MALSU1: variants seen among roughly 807,000 people sequenced by gnomAD.
MALSU1 encodes the protein mitochondrial assembly of ribosomal large subunit 1.
Under a neutral mutation model 22.1 loss-of-function variants are expected in MALSU1, and 22 were observed. That is an observed-to-expected ratio of 1.00 (90% CI 0.71 to 1.42). The LOEUF (loss-of-function observed/expected upper bound fraction) is 1.42, where lower values mean the gene tolerates loss of function less well. Among genes scored for constraint, MALSU1 ranks in the 40% most tolerant of loss-of-function variants. The probability of loss-of-function intolerance (pLI) is 0.00; values close to 1 mark genes in which losing one functional copy is unlikely to be tolerated. For missense variants in MALSU1, 379 were observed against 308.3 expected (o/e 1.23, Z -1.72); for synonymous variants, 153 against 118.5 (o/e 1.29, Z -1.89).
intron 2 of MALSU1, among the ~76,000 whole-genome samples, chr7:23,304,749 C>A (rs530294608): frequency 3.2e-4 from 48 of 152,210 alleles, no homozygotes; most frequent in African/African-American, 1.0e-3. Context: ...ACTATATTGC[C>A]CAGACTCTTT....
At chr7:23,306,928 T>G (rs1018421568) in intron 2 of MALSU1, among the ~76,000 whole-genome samples, 2 of 152,208 alleles carry the variant, frequency 1.3e-5, no homozygotes, top group African/African-American at 2.4e-5. Context: ...TTCAATTTTT[T>G]GGGGAGAATT....
chr7:23,301,106 C>A, intron 2 of MALSU1, 89 bp downstream of exon 2: 1 of 1,228,580 alleles, frequency 8.1e-7, no homozygotes, highest in South Asian at 1.6e-5. Context: ...AGAGGGTAAA[C>A]CCATCATACA....
chr7:23,304,031 G>A (rs1783692489), intron 2 of MALSU1, among the ~76,000 whole-genome samples: 1 of 151,830 alleles, frequency 6.6e-6, no homozygotes, highest in African/African-American at 2.4e-5. Flanking sequence ...GCTTGAACCT[G>A]GGAGGTGGAG....
chr7:23,300,949 T>A lies in MALSU1; in HGVS notation c.367T>A (p.Tyr123Asn). ...TCCTCCAGAAATGAGATATACAGATTACTTTGTGATTGTTAGTGGAACTTC... is the reference window on the plus strand; with the variant it reads ...TCCTCCAGAAATGAGATATACAGATAACTTTGTGATTGTTAGTGGAACTTC... ...QVPPEMRYTD[Y>N]FVIVSGTSTR... The change falls in exon 2 of 4, where the codon TAC becomes AAC. Residue 123 changes from tyrosine to asparagine, a missense_variant. By Grantham distance (143) the Tyr-to-Asn change is moderately radical. Transcript: ENST00000466681. 6.2e-7 allele frequency: 1 copy of A among 1,614,102 alleles called. No individual in the cohort carries two copies. The highest frequency in any genetic ancestry group is 8.5e-7 in the Non-Finnish European group (1 of 1,179,964).
At chr7:23,305,168 G>C (rs1562657058) in intron 2 of MALSU1, among the ~76,000 whole-genome samples, 1 of 152,156 alleles carries the variant, frequency 6.6e-6, no homozygotes, top group Non-Finnish European at 1.5e-5. Flanking sequence ...TGCATTGAAT[G>C]GTCTTGGCTC....
At chr7:23,308,876 A>ACAAT (rs1368432028) in intron 3 of MALSU1, among the ~76,000 whole-genome samples, 5 of 151,744 alleles carry the variant, frequency 3.3e-5, no homozygotes, top group African/African-American at 4.9e-5. Context: ...TCCAATTGTG[A>ACAAT]CAATCAAAAA....
At chr7:23,308,316 G>A (rs1347765571) in intron 3 of MALSU1, among the ~76,000 whole-genome samples, 1 of 152,162 alleles carries the variant, frequency 6.6e-6, no homozygotes, top group African/African-American at 2.4e-5. Flanking sequence ...GTGCATAAAT[G>A]AGATGAGGAT....
At position 23,301,026 on chromosome 7, in the gene MALSU1, CT is replaced by C; in HGVS notation, c.435+12del. The C allele has an allele frequency of 1.2e-6, 2 of 1,607,928 alleles. No individual in the cohort carries two copies. The highest frequency in any genetic ancestry group is 1.7e-6 in the Non-Finnish European group (2 of 1,176,294). Reference sequence around the variant, plus strand: ...TCTACGTTGTGAAAATGGTAGGATGCTTTCTTTTCTCTTTTGGACCATTAAC... The same window carrying C: ...TCTACGTTGTGAAAATGGTAGGATGCTTCTTTTCTCTTTTGGACCATTAAC... On this transcript the variant is annotated intron_variant, in intron 2 of 3. Coordinates refer to ENST00000466681, the MANE Select transcript of MALSU1 (RefSeq NM_138446.2).
intron 1 of MALSU1, 48 bp downstream of exon 1, chr7:23,299,656 A>C (rs1485046831): frequency 7.2e-6 from 11 of 1,526,396 alleles, no homozygotes. Context: ...GGCAGTCTGG[A>C]GTCAGGTCCC....
rs1201850112 is a variant in MALSU1, at chr7:23,309,948, T to C, written c.*405T>C. 6.6e-6 allele frequency: 1 copy of C among 152,096 alleles called. No homozygotes were observed. The highest frequency in any genetic ancestry group is 1.5e-5 in the Non-Finnish European group (1 of 68,532). The allele number at this position is 152,096 out of a possible 1,614,324, so 9.4% of individuals were successfully genotyped here. Reference sequence around the variant, plus strand: ...TAGCCCACTGGTCTTATTTTTATACTTTGAGGTGATAATATTCTTCTAGGA... The same window carrying C: ...TAGCCCACTGGTCTTATTTTTATACCTTGAGGTGATAATATTCTTCTAGGA... On this transcript the variant is annotated 3_prime_UTR_variant, in exon 4 of 4. Transcript: ENST00000466681.
At chr7:23,300,681 C>T (rs1274087914) in intron 1 of MALSU1, among the ~76,000 whole-genome samples, 158 bp from the exon 2 acceptor site, 1 of 152,056 alleles carries the variant, frequency 6.6e-6, no homozygotes, top group Non-Finnish European at 1.5e-5. Flanking sequence ...ATACTACTGC[C>T]CAGGTTCACC....
chr7:23,299,351 C>A lies in MALSU1; in HGVS notation c.-2C>A, dbSNP rs746359649. 1.3e-6 allele frequency: 2 copies of A among 1,567,750 alleles called. No homozygotes were observed. Among genetic ancestry groups the A allele is most frequent in the East Asian group, 2.3e-5 (1 of 44,260 alleles). ...CCGCGACGCCGACGCAAGGCTGCTG[C>A]TATGGGGCCGGGCGGCCGTGTGGCG... On this transcript the variant is annotated 5_prime_UTR_variant, in exon 1 of 4. Coordinates refer to ENST00000466681, the MANE Select transcript of MALSU1 (RefSeq NM_138446.2).
chr7:23,303,630 C>T (rs547716665), intron 2 of MALSU1, among the ~76,000 whole-genome samples: 26 of 151,458 alleles, frequency 1.7e-4, no homozygotes, highest in Non-Finnish European at 2.5e-4. Flanking sequence ...AACTCCATCT[C>T]TACAAAAAAG....
chr7:23,299,692 C>T lies in MALSU1; in HGVS notation c.256+84C>T, dbSNP rs1006267454. 10 of 1,426,482 alleles carry T rather than the reference C, an allele frequency of 7.0e-6. No homozygotes were observed. In the African/African-American group the frequency reaches 1.3e-4, roughly 18 times the overall value. 88.4% of individuals were successfully genotyped at this position (1,426,482 alleles called of 1,614,324 possible). On this transcript the variant is annotated intron_variant, in intron 1 of 3. Coordinates refer to ENST00000466681, the MANE Select transcript of MALSU1 (RefSeq NM_138446.2). ...AGCCAAGGTGGCTCTGGGTTCCCCT[C>T]TATGTGCATTTCTCTTGGAGTCACA... is the stretch of plus-strand genomic sequence containing the variant.
At chr7:23,300,578 T>G (rs960545305) in intron 1 of MALSU1, among the ~76,000 whole-genome samples, 9 of 152,228 alleles carry the variant, frequency 5.9e-5, no homozygotes, top group Non-Finnish European at 1.5e-5. Context: ...GTCACTGGTG[T>G]CTGGTTCTAC....
rs756575011 is a variant in MALSU1, at chr7:23,299,377, C to T, written c.25C>T (p.Arg9Trp). Residue 9 changes from arginine (R) to tryptophan (W), a missense_variant, in exon 1 of 4, where the codon CGG becomes TGG. Physicochemically the swap from Arg to Trp is moderately radical, Grantham distance 101. Coordinates refer to ENST00000466681, the MANE Select transcript of MALSU1 (RefSeq NM_138446.2). The stretch of plus-strand genomic sequence containing the variant: ...TATGGGGCCGGGCGGCCGTGTGGCG[C>T]GGCTGCTCGCCCCACTAATGTGGCG... MGPGGRVA[R>W]LLAPLMWRRA... 14 of 1,585,622 alleles carry T rather than the reference C, an allele frequency of 8.8e-6. No homozygotes were observed. The South Asian group carries it at 1.2e-4, about 14-fold the overall frequency.
chr7:23,307,839 C>A, intron 2 of MALSU1, 29 bp from the exon 3 acceptor site: 1 of 1,521,258 alleles, frequency 6.6e-7, no homozygotes. Flanking sequence ...ATCCCCTCTC[C>A]CTTTAATAAA....
At chr7:23,301,253 G>T in intron 2 of MALSU1, 1 of 366,698 alleles carries the variant, frequency 2.7e-6, no homozygotes, top group Non-Finnish European at 4.9e-6. Context: ...TGACCGCAAG[G>T]AAGATTTTTT....
chr7:23,299,650 G>A, intron 1 of MALSU1, 42 bp downstream of exon 1: 1 of 1,532,454 alleles, frequency 6.5e-7, no homozygotes, highest in Non-Finnish European at 8.8e-7. Flanking sequence ...TCTCCGGGCA[G>A]TCTGGAGTCA....
Sources: gnomAD v4.1 joint callset for allele counts (sites outside exome capture counted in the v4.1 genomes callset) on GRCh38, gnomAD v4.1.1 for gene constraint, MANE v1.5 for transcripts, NCBI Gene and HGNC (gene_info 2026-07-23, HGNC 2026-07-21) for gene names.